Variants in NEBL observed in about 807,000 individuals in gnomAD.
NEBL encodes LIM and SH3 protein 2.
A neutral mutation model predicts 140.2 loss-of-function variants in NEBL; 122 were observed. That is an observed-to-expected ratio of 0.87 (90% CI 0.75 to 1.01). NEBL has a LOEUF of 1.01. NEBL is among the 50% of genes least tolerant of loss of function. NEBL has a pLI of 0.00. For synonymous variants in NEBL, 436 were observed against 398.9 expected (o/e 1.09, Z -1.11); for missense variants, 1,365 against 1,231.3 (o/e 1.11, Z -1.62).
intron 3 of NEBL, among the ~76,000 whole-genome samples, chr10:21,011,888 C>T (rs574988871): frequency 2.0e-5 from 3 of 152,200 alleles, no homozygotes; most frequent in Admixed American, 6.5e-5. Context: ...ACCTCAGCAT[C>T]CTTCTACAAG....
chr10:21,012,375 T>A (rs1279678588), intron 3 of NEBL, among the ~76,000 whole-genome samples: 2 of 152,102 alleles, frequency 1.3e-5, no homozygotes, highest in Non-Finnish European at 2.9e-5. Flanking sequence ...TATTTTAATT[T>A]TAGAGACAGG....
rs150480036 is a variant in NEBL at position 21,140,837 on chromosome 10, C to T, written c.164+31546G>A. ...GGAGAGCATTAGGACAAATATCTAACGCATGCATGGCTTAAAACCTAGATG... is the reference window on the plus strand; with the variant it reads ...GGAGAGCATTAGGACAAATATCTAATGCATGCATGGCTTAAAACCTAGATG... On this transcript the variant is annotated intron_variant, in intron 2 of 6. Coordinates refer to the NEBL transcript ENST00000417816. 6.9e-3 allele frequency among the ~76,000 whole-genome samples: 1,045 copies of T among 151,992 alleles called. 5 individuals carry two copies. The highest frequency in any genetic ancestry group is 0.027 in the Middle Eastern group (8 of 294).
At chr10:20,824,313 A>G (rs1588696090) in intron 18 of NEBL, among the ~76,000 whole-genome samples, 2 of 152,202 alleles carry the variant, frequency 1.3e-5, no homozygotes, top group African/African-American at 4.8e-5. Context: ...ATTAAGGGTG[A>G]AAACCATGCA....
chr10:21,172,979 CG>C, intron 1 of NEBL, among the ~76,000 whole-genome samples: 1 of 152,192 alleles, frequency 6.6e-6, no homozygotes, highest in Non-Finnish European at 1.5e-5. Flanking sequence ...GGACTCTGCC[CG>C]GGATGACTGT....
chr10:20,801,000 C>T (rs1355748459), intron 26 of NEBL, among the ~76,000 whole-genome samples: 1 of 152,124 alleles, frequency 6.6e-6, no homozygotes, highest in Non-Finnish European at 1.5e-5. Context: ...CCTATCTCTG[C>T]AGAGATTGGG....
rs56013237 is a variant in NEBL, at chr10:21,076,444, CAAAAAAAAAAAAA to C, written c.165-56256_165-56244del. Among the ~76,000 whole-genome samples, 22 of 50,072 alleles carry C rather than the reference CAAAAAAAAAAAAA, an allele frequency of 4.4e-4. No individual in the cohort carries two copies. The South Asian group carries it at 7.4e-3, about 17-fold the overall frequency. 32.8% of individuals were successfully genotyped at this position (50,072 alleles called of 152,430 possible). On this transcript the variant is annotated intron_variant, in intron 2 of 6. Transcript: ENST00000417816. ...TGGGCAACAGAGAGAGACTCAGTTT[CAAAAAAAAAAAAA>C]AAAAAAAAAAAAAAAAAGAATTACC... is the stretch of plus-strand genomic sequence containing the variant.
intron 1 of NEBL, among the ~76,000 whole-genome samples, chr10:21,255,337 A>G (rs1257707185): frequency 1.3e-5 from 2 of 152,040 alleles, no homozygotes; most frequent in Non-Finnish European, 2.9e-5. Context: ...GAGTCAGTAC[A>G]AGCAGATAGG....
At chr10:20,966,065 A>T (rs1564464945) in intron 3 of NEBL, among the ~76,000 whole-genome samples, 1 of 152,226 alleles carries the variant, frequency 6.6e-6, no homozygotes. Context: ...TTCAAAGTCA[A>T]ATGTGAGAAA....
intron 2 of NEBL, among the ~76,000 whole-genome samples, chr10:21,092,475 T>C (rs1393337429): frequency 1.3e-5 from 2 of 152,060 alleles, no homozygotes; most frequent in Non-Finnish European, 2.9e-5. Context: ...TATTTGAAGT[T>C]CGTCTGACCT....
chr10:21,060,180 G>A (rs1211638184), intron 2 of NEBL, among the ~76,000 whole-genome samples: 5 of 152,226 alleles, frequency 3.3e-5, no homozygotes, highest in Non-Finnish European at 7.3e-5. Context: ...TAAAGAGACA[G>A]TACAGCTGAT....
intron 26 of NEBL, among the ~76,000 whole-genome samples, chr10:20,798,079 A>G (rs1269713567): frequency 2.0e-5 from 3 of 150,774 alleles, no homozygotes; most frequent in Non-Finnish European, 4.4e-5. Flanking sequence ...TCCAGCCCCT[A>G]GATGACAGAG....
chr10:21,106,894 T>C (rs992340861), intron 2 of NEBL, among the ~76,000 whole-genome samples: 3 of 152,180 alleles, frequency 2.0e-5, no homozygotes, highest in Non-Finnish European at 4.4e-5. Context: ...CTTGAAGGGG[T>C]CCTTCACATC....
At chr10:21,135,864 C>A (rs202237345) in intron 2 of NEBL, among the ~76,000 whole-genome samples, 1 of 152,198 alleles carries the variant, frequency 6.6e-6, no homozygotes, top group East Asian at 1.9e-4. Context: ...CCTCCTCAAA[C>A]CCGGCCAGGA....
At chr10:20,933,300 G>A (rs896897372) in intron 4 of NEBL, among the ~76,000 whole-genome samples, 5 of 152,094 alleles carry the variant, frequency 3.3e-5, no homozygotes, top group African/African-American at 1.2e-4. Context: ...GCCATCAGAT[G>A]CCCTTAAGAA....
chr10:21,064,416 A>C (rs1055494538), intron 2 of NEBL, among the ~76,000 whole-genome samples: 2 of 152,192 alleles, frequency 1.3e-5, no homozygotes, highest in African/African-American at 4.8e-5. Flanking sequence ...AATAAAAGTA[A>C]ACACAATGGC....
chr10:21,172,613 G>T, intron 1 of NEBL: 1 of 683,824 alleles, frequency 1.5e-6, no homozygotes, highest in Non-Finnish European at 2.5e-6. Context: ...GTAGGGAACT[G>T]GGGATGTGTT....
chr10:21,030,959 G>A (rs1344504423), intron 2 of NEBL, among the ~76,000 whole-genome samples: 1 of 152,212 alleles, frequency 6.6e-6, no homozygotes, highest in Non-Finnish European at 1.5e-5. Flanking sequence ...ACACCGGTGT[G>A]CACTGATGAC....
chr10:21,113,308 C>CAAAAAAAAAAAAAAA (rs1838130738), intron 2 of NEBL: 2 of 158,890 alleles, frequency 1.3e-5, no homozygotes, highest in African/African-American at 2.1e-4. Context: ...AAAAAAAAAC[C>CAAAAAAAAAAAAAAA]AGGAAAAAAC....
At chr10:21,023,202 T>G (rs1838870601) in intron 2 of NEBL, among the ~76,000 whole-genome samples, 1 of 152,226 alleles carries the variant, frequency 6.6e-6, no homozygotes, top group Admixed American at 6.5e-5. Context: ...CCACTGAGAT[T>G]TTCAGGTCTC....
Sources: gnomAD v4.1 joint callset for allele counts (sites outside exome capture counted in the v4.1 genomes callset) on GRCh38, gnomAD v4.1.1 for gene constraint, MANE v1.5 for transcripts, NCBI Gene and HGNC (gene_info 2026-07-23, HGNC 2026-07-21) for gene names.